TCF12: variants seen among roughly 807,000 people sequenced by gnomAD.
TCF12 encodes the protein transcription factor 12.
TCF12 carries 45 observed loss-of-function variants against 86.0 expected under a neutral mutation model. That is an observed-to-expected ratio of 0.52 (90% CI 0.41 to 0.67). TCF12 has a LOEUF of 0.67. Among genes scored for constraint, TCF12 ranks in the 30% least tolerant of loss-of-function variants. TCF12 has a pLI of 0.00. For missense variants in TCF12, 881 were observed against 859.9 expected (o/e 1.02, Z -0.31); for synonymous variants, 330 against 299.6 (o/e 1.10, Z -1.05).
intron 3 of TCF12, among the ~76,000 whole-genome samples, chr15:56,947,890 A>G (rs1241004285): frequency 1.3e-5 from 2 of 152,134 alleles, no homozygotes; most frequent in East Asian, 3.9e-4. Context: ...CACAGCCTAA[A>G]TGGTGGCCTT....
chr15:57,015,489 C>T (rs1002819294), intron 3 of TCF12, among the ~76,000 whole-genome samples: 3 of 152,096 alleles, frequency 2.0e-5, no homozygotes, highest in Non-Finnish European at 4.4e-5. Flanking sequence ...AGCCATTGCT[C>T]AGTTATTCCA....
intron 5 of TCF12, among the ~76,000 whole-genome samples, chr15:57,160,084 A>C (rs979995417): frequency 6.6e-6 from 1 of 152,214 alleles, no homozygotes; most frequent in Non-Finnish European, 1.5e-5. Flanking sequence ...TTTGGTCTAA[A>C]TTTGGGTGTT....
At chr15:57,145,365 A>G (rs923416845) in intron 5 of TCF12, among the ~76,000 whole-genome samples, 8 of 152,214 alleles carry the variant, frequency 5.3e-5, no homozygotes, top group Middle Eastern at 3.2e-3. Flanking sequence ...GTTGACCTCA[A>G]TGATTCTCAT....
chr15:57,244,195 T>TA (rs1396336438), intron 13 of TCF12, among the ~76,000 whole-genome samples: 6 of 152,136 alleles, frequency 3.9e-5, no homozygotes, highest in African/African-American at 1.4e-4. Flanking sequence ...AAATGGTTTT[T>TA]ATAAGATAGC....
At chr15:57,176,421 A>G (rs1220880790) in intron 6 of TCF12, among the ~76,000 whole-genome samples, 1 of 152,226 alleles carries the variant, frequency 6.6e-6, no homozygotes, top group African/African-American at 2.4e-5. Context: ...TTGAATCAAT[A>G]TAGTGATCAG....
intron 8 of TCF12, among the ~76,000 whole-genome samples, chr15:57,211,594 T>C (rs1406793321): frequency 6.6e-6 from 1 of 152,218 alleles, no homozygotes; most frequent in Non-Finnish European, 1.5e-5. Context: ...CCTTTTTTGG[T>C]TCAGCCTTTC....
chr15:57,219,556 G>A, intron 8 of TCF12: 2 of 1,613,400 alleles, frequency 1.2e-6, no homozygotes, highest in Non-Finnish European at 1.7e-6. Context: ...GGAATGGGCA[G>A]CAATTCTTTG....
chr15:57,174,608 T>G (rs1345252967), intron 6 of TCF12, among the ~76,000 whole-genome samples: 2 of 152,240 alleles, frequency 1.3e-5, no homozygotes, highest in Admixed American at 1.3e-4. Flanking sequence ...GCTGATGACG[T>G]GTTTGTGTAC....
intron 5 of TCF12, among the ~76,000 whole-genome samples, chr15:57,110,892 A>C (rs1301767775): frequency 6.6e-6 from 1 of 152,188 alleles, no homozygotes. Flanking sequence ...ATTATGCAAA[A>C]AGGGGGGAAA....
At position 57,087,100 on chromosome 15, in the gene TCF12, T is replaced by TCTCTCC. The variant is rs571888336; in HGVS notation, c.223-4674_223-4669dup. On this transcript the variant is annotated intron_variant, in intron 4 of 20. Coordinates refer to ENST00000333725, the MANE Select transcript of TCF12 (RefSeq NM_207037.2). ...CCCTCTGTCTCCCTCTGTCTCCCTC[T>TCTCTCC]CTCTCCCTCTCCCTCTCCCTACCCC... 1.3e-3 allele frequency among the ~76,000 whole-genome samples: 199 copies of TCTCTCC among 148,316 alleles called. 4 individuals carry two copies. Among genetic ancestry groups the TCTCTCC allele is most frequent in the East Asian group, 2.4e-3 (12 of 5,100 alleles).
chr15:57,128,980 A>C (rs528119620), intron 5 of TCF12, among the ~76,000 whole-genome samples: 4 of 152,196 alleles, frequency 2.6e-5, no homozygotes, highest in South Asian at 4.1e-4. Flanking sequence ...ATTATGAATA[A>C]TATTGCTGTG....
intron 3 of TCF12, among the ~76,000 whole-genome samples, chr15:57,008,375 C>CT (rs1354186092): frequency 1.3e-4 from 2 of 15,006 alleles, no homozygotes; most frequent in African/African-American, 2.5e-4. Flanking sequence ...TAAAAATACC[C>CT]TTTTTTTTTC....
intron 5 of TCF12, among the ~76,000 whole-genome samples, chr15:57,138,079 T>G (rs1391087919): frequency 6.6e-6 from 1 of 152,102 alleles, no homozygotes; most frequent in African/African-American, 2.4e-5. Context: ...CTTGTTCTTC[T>G]CTTTTCAGTG....
chr15:57,011,763 G>A (rs1436103218), intron 3 of TCF12, among the ~76,000 whole-genome samples: 1 of 152,084 alleles, frequency 6.6e-6, no homozygotes, highest in Non-Finnish European at 1.5e-5. Flanking sequence ...GAAACCCCCA[G>A]TGCCTTGTAT....
At chr15:57,283,616 A>G (rs1471259743) in intron 20 of TCF12, among the ~76,000 whole-genome samples, 1 of 152,112 alleles carries the variant, frequency 6.6e-6, no homozygotes, top group Non-Finnish European at 1.5e-5. Context: ...TTTTTTCCCA[A>G]TTTTATCAAC....
intron 8 of TCF12, among the ~76,000 whole-genome samples, chr15:57,225,149 G>A (rs997520243): frequency 6.7e-6 from 1 of 148,560 alleles, no homozygotes; most frequent in Non-Finnish European, 1.5e-5. Context: ...GATTACCGAA[G>A]GAACAAGGAA....
intron 3 of TCF12, among the ~76,000 whole-genome samples, chr15:56,999,998 G>A (rs898794923): frequency 2.6e-5 from 4 of 152,214 alleles, no homozygotes; most frequent in Admixed American, 2.6e-4. Context: ...ACTGTGCCTG[G>A]CCTAAATTTC....
chr15:57,016,719 A>G (rs1375587495), intron 3 of TCF12, among the ~76,000 whole-genome samples: 1 of 152,020 alleles, frequency 6.6e-6, no homozygotes, highest in Non-Finnish European at 1.5e-5. Flanking sequence ...ATGTTTTACA[A>G]GCAGAAGCAC....
chr15:57,191,306 A>G (rs2056967695), intron 6 of TCF12, among the ~76,000 whole-genome samples: 1 of 152,154 alleles, frequency 6.6e-6, no homozygotes, highest in Admixed American at 6.5e-5. Context: ...TCTACAAAAA[A>G]CTTAAAAATT....
Sources: gnomAD v4.1 joint callset for allele counts (sites outside exome capture counted in the v4.1 genomes callset) on GRCh38, gnomAD v4.1.1 for gene constraint, MANE v1.5 for transcripts, NCBI Gene and HGNC (gene_info 2026-07-23, HGNC 2026-07-21) for gene names.